The following GRID2 variants were observed in gnomAD, a reference collection of about 807,000 sequenced individuals.
The protein encoded by GRID2 is glutamate ionotropic receptor delta type subunit 2.
GRID2 carries 33 observed loss-of-function variants against 114.8 expected under a neutral mutation model. The ratio of observed to expected loss-of-function variants is 0.29; its 90% CI spans 0.22 to 0.38. GRID2 has a LOEUF of 0.38. GRID2 is among the 10% of genes least tolerant of loss of function. The probability of loss-of-function intolerance (pLI) is 1.00; values close to 1 mark genes in which losing one functional copy is unlikely to be tolerated. For synonymous variants in GRID2, 505 were observed against 449.9 expected, an observed-to-expected ratio of 1.12 and a Z score of -1.55; for missense variants, 1,184 against 1,257.7, an observed-to-expected ratio of 0.94 and a Z score of 0.89.
intron 11 of GRID2, among the ~76,000 whole-genome samples, chr4:93,459,326 T>A (rs944772599): frequency 5.3e-5 from 8 of 152,022 alleles, no homozygotes; most frequent in Non-Finnish European, 1.0e-4. Flanking sequence ...TAAGCCTAAT[T>A]TTTTTTGAAA....
At position 92,937,929 on chromosome 4, in the gene GRID2, A is replaced by G. The variant is rs563332402; in HGVS notation, c.245-147066A>G. ...GAAATGCTTGTCTTCTTCCTTATCT[A>G]AGTAGATAGGTTTCAATCTTTCACC... is the stretch of plus-strand genomic sequence containing the variant. On this transcript the variant is annotated intron_variant, in intron 2 of 15. Coordinates refer to ENST00000282020, the MANE Select transcript of GRID2 (RefSeq NM_001510.4). 4.8e-4 allele frequency among the ~76,000 whole-genome samples: 70 copies of G among 146,626 alleles called. 1 individual carries two copies. The highest frequency in any genetic ancestry group is 1.6e-3 in the African/African-American group (64 of 41,288).
chr4:93,215,897 C>G (rs1389204566), intron 5 of GRID2, among the ~76,000 whole-genome samples: 1 of 151,776 alleles, frequency 6.6e-6, no homozygotes, highest in Non-Finnish European at 1.5e-5. Flanking sequence ...TGATTGAAAC[C>G]AATAGTATGT....
chr4:92,847,842 T>C (rs926618504), intron 2 of GRID2, among the ~76,000 whole-genome samples: 6 of 152,000 alleles, frequency 3.9e-5, no homozygotes, highest in African/African-American at 1.2e-4. Context: ...AAAAATAAAG[T>C]ATACTAAAAT....
At chr4:92,899,760 C>T (rs1747436627) in intron 2 of GRID2, among the ~76,000 whole-genome samples, 1 of 152,066 alleles carries the variant, frequency 6.6e-6, no homozygotes, top group Admixed American at 6.6e-5. Flanking sequence ...GTTGATGAAA[C>T]AAAGGATATC....
At chr4:92,386,353 G>C (rs1403645616) in intron 1 of GRID2, among the ~76,000 whole-genome samples, 1 of 151,786 alleles carries the variant, frequency 6.6e-6, no homozygotes, top group East Asian at 1.9e-4. Flanking sequence ...ATATCCTACA[G>C]TAGATTCCTT....
chr4:92,734,704 A>G (rs1173629228), intron 2 of GRID2, among the ~76,000 whole-genome samples: 2 of 151,928 alleles, frequency 1.3e-5, no homozygotes, highest in African/African-American at 4.8e-5. Context: ...CTTCATCTTC[A>G]TCTTTTACAA....
At chr4:92,442,792 G>A (rs1048069191) in intron 1 of GRID2, among the ~76,000 whole-genome samples, 8 of 150,776 alleles carry the variant, frequency 5.3e-5, no homozygotes, top group South Asian at 4.2e-4. Flanking sequence ...GAGCCTAAAC[G>A]CTATCTGATT....
At chr4:93,112,554 A>C (rs188447308) in intron 4 of GRID2, among the ~76,000 whole-genome samples, 1 of 152,262 alleles carries the variant, frequency 6.6e-6, no homozygotes, top group Non-Finnish European at 1.5e-5. Context: ...AAGTTTCCTG[A>C]AGCCTCCTCA....
intron 4 of GRID2, among the ~76,000 whole-genome samples, chr4:93,169,931 T>G (rs1560948347): frequency 6.6e-6 from 1 of 152,216 alleles, no homozygotes; most frequent in African/African-American, 2.4e-5. Context: ...ATGCAAAATT[T>G]CATCATATTC....
chr4:92,330,787 T>C (rs763698747), intron 1 of GRID2, among the ~76,000 whole-genome samples: 14 of 152,142 alleles, frequency 9.2e-5, no homozygotes, highest in Admixed American at 2.0e-4. Context: ...AATTCTAAGT[T>C]CTTGAAACAA....
At chr4:93,187,259 AAT>A (rs1740512634) in intron 4 of GRID2, among the ~76,000 whole-genome samples, 1 of 152,054 alleles carries the variant, frequency 6.6e-6, no homozygotes, top group African/African-American at 2.4e-5. Context: ...ATTCCAGACG[AAT>A]AGCTCCAAAG....
intron 8 of GRID2, among the ~76,000 whole-genome samples, chr4:93,376,319 T>C (rs1326821659): frequency 6.6e-6 from 1 of 152,124 alleles, no homozygotes; most frequent in Non-Finnish European, 1.5e-5. Context: ...CACAAAATTA[T>C]TGACAAATAT....
chr4:92,713,564 G>T (rs1004513294), intron 2 of GRID2, among the ~76,000 whole-genome samples: 1 of 139,676 alleles, frequency 7.2e-6, no homozygotes, highest in Non-Finnish European at 1.5e-5. Context: ...GGATTAGTCT[G>T]TTTTCATGCT....
intron 8 of GRID2, among the ~76,000 whole-genome samples, chr4:93,388,670 G>T (rs1201695558): frequency 6.6e-6 from 1 of 152,184 alleles, no homozygotes; most frequent in Non-Finnish European, 1.5e-5. Flanking sequence ...ACTATGGAAA[G>T]ACTTTAAGCA....
intron 4 of GRID2, among the ~76,000 whole-genome samples, chr4:93,136,126 A>G (rs1482364399): frequency 1.3e-5 from 2 of 152,252 alleles, no homozygotes; most frequent in Non-Finnish European, 1.5e-5. Context: ...AGGCGGTTGT[A>G]TAGCCTTTCC....
At chr4:93,368,776 T>A (rs896546734) in intron 8 of GRID2, among the ~76,000 whole-genome samples, 5 of 152,192 alleles carry the variant, frequency 3.3e-5, no homozygotes, top group Admixed American at 2.0e-4. Flanking sequence ...AAAATGGGAT[T>A]AGTCTTACTA....
At chr4:93,316,308 GAAAGAAAGAAAGAAAGAAAGAAAGAAA>G (rs1756611933) in intron 8 of GRID2, among the ~76,000 whole-genome samples, 1 of 112,946 alleles carries the variant, frequency 8.9e-6, no homozygotes, top group African/African-American at 3.7e-5. Flanking sequence ...AAGAAAGAAA[GAAAGAAAGAAAGAAAGAAAGAAAGAAA>G]GAAAGAAGGA....
At chr4:92,444,677 A>T (rs1204160077) in intron 1 of GRID2, among the ~76,000 whole-genome samples, 1 of 152,146 alleles carries the variant, frequency 6.6e-6, no homozygotes, top group African/African-American at 2.4e-5. Flanking sequence ...GATATAATGT[A>T]AAAAGGGGGC....
intron 8 of GRID2, among the ~76,000 whole-genome samples, chr4:93,363,227 A>T (rs1176174364): frequency 1.3e-5 from 2 of 152,128 alleles, no homozygotes; most frequent in Non-Finnish European, 2.9e-5. Flanking sequence ...AAACAAACAA[A>T]CAAAAATTTC....
Sources: gnomAD v4.1 joint callset for allele counts (sites outside exome capture counted in the v4.1 genomes callset) on GRCh38, gnomAD v4.1.1 for gene constraint, MANE v1.5 for transcripts, NCBI Gene and HGNC (gene_info 2026-07-23, HGNC 2026-07-21) for gene names.